The following PTPRR variants were observed in gnomAD, a reference collection of about 807,000 sequenced individuals.
PTPRR encodes the protein protein tyrosine phosphatase receptor type R, also known as receptor-type tyrosine-protein phosphatase R.
Under a neutral mutation model 77.2 loss-of-function variants are expected in PTPRR, and 38 were observed. The observed-to-expected ratio is 0.49, with a 90% confidence interval of 0.38 to 0.65. The LOEUF is 0.65. Ranked by LOEUF, PTPRR falls within the 30% of genes least tolerant of loss-of-function variation. PTPRR has a pLI of 0.00. For missense variants in PTPRR, 744 were observed against 799.2 expected (o/e 0.93, Z 0.83); for synonymous variants, 299 against 283.1 (o/e 1.06, Z -0.57).
rs1407466882 is a variant in PTPRR, at chr12:70,764,764, A to G, written c.372T>C (p.Asp124=). The G allele has an allele frequency of 3.7e-6, 6 of 1,613,516 alleles. No homozygotes were observed. The highest frequency in any genetic ancestry group is 5.1e-6 in the Non-Finnish European group (6 of 1,179,398). ...GCAAGGTTATGTTCAGCTTGTTTAC[A>G]TCCATTTGCAGTGTCTAGAAAATAA... ...ANVIVVTLQM[D]VNKLNITLLR... The change falls in exon 3 of 14, where the codon GAT becomes GAC. Residue 124 remains aspartate, a synonymous_variant. Coordinates refer to ENST00000283228, the MANE Select transcript of PTPRR (RefSeq NM_002849.4).
chr12:70,855,529 A>G (rs1331774922), intron 2 of PTPRR, among the ~76,000 whole-genome samples: 1 of 152,214 alleles, frequency 6.6e-6, no homozygotes, highest in African/African-American at 2.4e-5. Flanking sequence ...CAAGGAGGCT[A>G]CAAGGATAGA....
chr12:70,663,671 C>T (rs181425757), intron 10 of PTPRR, among the ~76,000 whole-genome samples: 35 of 152,060 alleles, frequency 2.3e-4, no homozygotes, highest in Non-Finnish European at 1.0e-4. Context: ...TTTTTTACCA[C>T]AAATTTTGAT....
At chr12:70,702,584 A>G (rs914963751) in intron 6 of PTPRR, among the ~76,000 whole-genome samples, 9 of 151,404 alleles carry the variant, frequency 5.9e-5, no homozygotes, top group Admixed American at 4.6e-4. Flanking sequence ...ATTGGAATAT[A>G]CAACAACAAC....
At chr12:70,770,223 A>G (rs1380853556) in intron 2 of PTPRR, among the ~76,000 whole-genome samples, 4 of 150,080 alleles carry the variant, frequency 2.7e-5, no homozygotes, top group Non-Finnish European at 6.0e-5. Context: ...TGAACAGGCA[A>G]CCTACAAAAT....
chr12:70,840,493 G>C (rs1233465221), intron 2 of PTPRR, among the ~76,000 whole-genome samples: 2 of 152,080 alleles, frequency 1.3e-5, no homozygotes, highest in Non-Finnish European at 2.9e-5. Flanking sequence ...CTAGGATGTG[G>C]ACATCTTTGT....
At chr12:70,900,128 ATTTTTTGTAGATG>A (rs533559765) in intron 1 of PTPRR, among the ~76,000 whole-genome samples, 79 of 151,566 alleles carry the variant, frequency 5.2e-4, no homozygotes, top group African/African-American at 1.9e-3. Flanking sequence ...TATCATTAGA[ATTTTTTGTAGATG>A]TAGATATGCT....
At position 70,865,286 on chromosome 12, in the gene PTPRR, A is replaced by G. The variant is rs545048503; in HGVS notation, c.357+27393T>C. Among the ~76,000 whole-genome samples, 3 of 97,544 alleles carry G rather than the reference A, an allele frequency of 3.1e-5. No homozygotes were observed. The South Asian group carries it at 8.7e-4, about 28-fold the overall frequency. The allele number at this position is 97,544 out of a possible 152,430, so 64.0% of individuals were successfully genotyped here. A position where few individuals can be genotyped will look rare whatever the true frequency, so the allele number is the denominator to read the frequency against. On this transcript the variant is annotated intron_variant, in intron 2 of 13. Coordinates refer to ENST00000283228, the MANE Select transcript of PTPRR (RefSeq NM_002849.4). ...TTTTCTTTATAAATTACCCAGTCTC[A>G]GGTGTATCTTTATCAGCAGCATGCA...
chr12:70,733,481 A>AAAAAAAAAAAAAAAAAAAAAAAATTTAT (rs1565672469), intron 6 of PTPRR, among the ~76,000 whole-genome samples: 3 of 80,836 alleles, frequency 3.7e-5, no homozygotes, highest in African/African-American at 1.3e-4. Context: ...AAAAAAAAAA[A>AAAAAAAAAAAAAAAAAAAAAAAATTTAT]GAAAAAAAAA....
intron 10 of PTPRR, among the ~76,000 whole-genome samples, chr12:70,679,824 C>T (rs924055401): frequency 3.3e-5 from 5 of 151,970 alleles, no homozygotes; most frequent in African/African-American, 9.7e-5. Flanking sequence ...GTGAGTCTTG[C>T]GTTTTTTTCT....
chr12:70,903,920 A>G (rs142117145), intron 1 of PTPRR, among the ~76,000 whole-genome samples: 127 of 151,998 alleles, frequency 8.4e-4, no homozygotes, highest in African/African-American at 2.9e-3. Context: ...TGGGCTAAAG[A>G]CTTGAACAAA....
intron 2 of PTPRR, among the ~76,000 whole-genome samples, chr12:70,874,178 C>A (rs148517154): frequency 1.3e-5 from 2 of 152,092 alleles, no homozygotes; most frequent in African/African-American, 4.8e-5. Flanking sequence ...ACTCTTTGGG[C>A]CCATACTTTT....
chr12:70,712,850 C>T (rs1019953652), intron 6 of PTPRR, among the ~76,000 whole-genome samples: 1 of 151,794 alleles, frequency 6.6e-6, no homozygotes, highest in African/African-American at 2.4e-5. Flanking sequence ...TGATAGAAAA[C>T]TAAAGTTATA....
intron 6 of PTPRR, among the ~76,000 whole-genome samples, chr12:70,732,579 G>A (rs996257582): frequency 4.6e-5 from 7 of 152,192 alleles, no homozygotes; most frequent in Non-Finnish European, 7.4e-5. Context: ...GTTTTCCTCC[G>A]AGGCAGAGTC....
chr12:70,911,750 G>GAAAAAAAA (rs35226592), intron 1 of PTPRR, among the ~76,000 whole-genome samples: 2 of 105,808 alleles, frequency 1.9e-5, no homozygotes, highest in African/African-American at 3.5e-5. Context: ...AGGCTCAACT[G>GAAAAAAAA]AAAAAAAAAA....
At chr12:70,698,060 C>A (rs1592682786) in intron 8 of PTPRR, among the ~76,000 whole-genome samples, 1 of 152,024 alleles carries the variant, frequency 6.6e-6, no homozygotes, top group African/African-American at 2.4e-5. Context: ...TTGTGCTTTA[C>A]AATGTAAATT....
In PTPRR at chr12:70,917,388, G is replaced by A. The variant is rs147332240; in HGVS notation, c.58+2945C>T. Among the ~76,000 whole-genome samples the A allele has an allele frequency of 1.1e-4, 17 of 152,178 alleles. No homozygotes were observed. In the East Asian group the frequency reaches 1.9e-3, roughly 17 times the overall value. On this transcript the variant is annotated intron_variant, in intron 1 of 13. Transcript: ENST00000283228. The stretch of plus-strand genomic sequence containing the variant: ...GTCTGGAAACCTGGGCTTTTATCCC[G>A]ACTATGCTATTAACTACCACTTTAA...
chr12:70,764,588 T>C (rs1890769421), intron 3 of PTPRR, 77 bp downstream of exon 3: 8 of 1,198,188 alleles, frequency 6.7e-6, no homozygotes, highest in Non-Finnish European at 8.7e-6. Context: ...CATACAACTA[T>C]AGCATGAGCC....
At chr12:70,654,268 A>G (rs1886496748) in intron 13 of PTPRR, among the ~76,000 whole-genome samples, 1 of 150,714 alleles carries the variant, frequency 6.6e-6, no homozygotes, top group African/African-American at 2.5e-5. Flanking sequence ...ATATTTGTTG[A>G]AAAAAAAATC....
chr12:70,872,721 C>T (rs952606885), intron 2 of PTPRR, among the ~76,000 whole-genome samples: 2 of 72,290 alleles, frequency 2.8e-5, no homozygotes, highest in Non-Finnish European at 5.6e-5. Flanking sequence ...AAAAAAAAAA[C>T]AATCCACCAA....
Sources: allele counts gnomAD v4.1 joint callset (sites outside exome capture counted in the v4.1 genomes callset), GRCh38; gene constraint gnomAD v4.1.1; transcripts MANE v1.5; gene names NCBI Gene and HGNC (gene_info 2026-07-23, HGNC 2026-07-21).